PTPRF: variants seen among roughly 807,000 people sequenced by gnomAD.
PTPRF encodes the protein receptor-type tyrosine-protein phosphatase F.
PTPRF carries 59 observed loss-of-function variants against 201.8 expected under a neutral mutation model. That is an observed-to-expected ratio of 0.29 (90% CI 0.24 to 0.36). The LOEUF is 0.36. Among genes scored for constraint, PTPRF ranks in the 10% least tolerant of loss-of-function variants. PTPRF has a pLI of 1.00. For synonymous variants in PTPRF, 1,088 were observed against 1,089.7 expected, an observed-to-expected ratio of 1.00 and a Z score of 0.03; for missense variants, 2,132 against 2,690.5, an observed-to-expected ratio of 0.79 and a Z score of 4.59.
chr1:43,583,496 A>G (rs3791135), intron 7 of PTPRF, among the ~76,000 whole-genome samples: 39,593 of 152,140 alleles, frequency 0.26, 6,100 homozygotes, highest in East Asian at 0.48. Context: ...CTTTGTGTGC[A>G]CCTGTGGGAC....
At chr1:43,524,581 T>C (rs532402100), upstream of PTPRF, among the ~76,000 whole-genome samples, 4 of 151,826 alleles carry the variant, frequency 2.6e-5, no homozygotes, top group African/African-American at 7.2e-5. Context: ...ATGGCTCCAG[T>C]TGAAGGTTGG....
intron 5 of PTPRF, among the ~76,000 whole-genome samples, chr1:43,567,346 C>T (rs969056163): frequency 2.6e-5 from 4 of 152,238 alleles, no homozygotes; most frequent in Admixed American, 2.0e-4. Flanking sequence ...CGTCCTCCTT[C>T]CCTTCTCTTG....
upstream of PTPRF, chr1:43,530,830 G>GGGGCGCGGGCGCGAGCGCGAGGGGA (rs1643370508): frequency 6.6e-6 from 1 of 152,146 alleles, no homozygotes; most frequent in Non-Finnish European, 1.5e-5. The surrounding 1 kb of genome is among the most constrained non-coding windows in gnomAD (Gnocchi z 4.1). Flanking sequence ...GGCAGGGGCA[G>GGGGCGCGGGCGCGAGCGCGAGGGGA]GGGCGCGGGC....
rs762614069 is a variant in PTPRF at position 43,603,800 on chromosome 1, A to G, written c.2648A>G (p.His883Arg). 53 of 1,614,016 alleles carry G rather than the reference A, an allele frequency of 3.3e-5. No individual in the cohort carries two copies. Among genetic ancestry groups the G allele is most frequent in the Non-Finnish European group, 4.2e-5 (49 of 1,180,046 alleles). The change falls in exon 16 of 34, where the codon CAC becomes CGC. Residue 883 changes from histidine to arginine, a missense_variant. His to Arg is a conservative substitution (Grantham distance 29). Coordinates refer to ENST00000359947, the MANE Select transcript of PTPRF (RefSeq NM_002840.5). This position sits in a 1 kb window ranked among gnomAD's most constrained non-coding sequence, Gnocchi z 5.8. ...DDQHFTVTGL[H>R]KGTTYIFRLA... is the part of the protein sequence containing the mutation. ...CAGCACTTCACAGTCACCGGCCTGC[A>G]CAAGGGGACCACCTACATCTTCCGG...
intron 7 of PTPRF, among the ~76,000 whole-genome samples, chr1:43,585,599 A>G (rs951630575): frequency 2.6e-5 from 4 of 152,122 alleles, no homozygotes; most frequent in African/African-American, 7.2e-5. Flanking sequence ...GAGGGAAAAA[A>G]TAAACACAAC....
rs752725277 is a variant in PTPRF at position 43,591,501 on chromosome 1, C to T, written c.1479C>T (p.Ala493=). The T allele has an allele frequency of 1.4e-5, 23 of 1,601,092 alleles. No individual in the cohort carries two copies. Among genetic ancestry groups the T allele is most frequent in the South Asian group, 6.7e-5 (6 of 89,284 alleles). The part of the protein sequence containing the change: ...TYSLRVLAFT[A]VGDGPPSPTI... ...GCCTGCGCGTGCTTGCCTTCACCGC[C>T]GTGGGCGATGGCCCTCCCAGCCCCA... The change falls in exon 9 of 34, where the codon GCC becomes GCT. Residue 493 remains alanine, a synonymous_variant. Coordinates refer to ENST00000359947, the MANE Select transcript of PTPRF (RefSeq NM_002840.5).
chr1:43,603,865 G>A lies in PTPRF; in HGVS notation c.2713G>A (p.Glu905Lys), dbSNP rs143093912. The change falls in exon 16 of 34, where the codon GAG (glutamate) becomes AAG (lysine). Residue 905 changes from glutamate to lysine, a missense_variant. Physicochemically the swap from Glu to Lys is moderately conservative, Grantham distance 56 (BLOSUM62 1). Around this residue, in one of 6 missense-constraint regions of PTPRF, gnomAD observed 818 missense variants for 915.3 expected, o/e 0.89. Coordinates refer to ENST00000359947, the MANE Select transcript of PTPRF (RefSeq NM_002840.5). The surrounding 1 kb of genome is among the most constrained non-coding windows in gnomAD (Gnocchi z 5.8). ...CCGGGCTGGCTTGGGTGAGGAGTTC[G>A]AGAAGGAGATCAGGACCCCCGAGGA... ...KNRAGLGEEF[E>K]KEIRTPEDLP... is the part of the protein sequence containing the mutation. The A allele has an allele frequency of 2.1e-5, 34 of 1,613,946 alleles. No homozygotes were observed. Among genetic ancestry groups the A allele is most frequent in the Admixed American group, 3.3e-5 (2 of 60,000 alleles).
At chr1:43,605,947 G>C (rs75135460) in intron 19 of PTPRF, among the ~76,000 whole-genome samples, 2 of 152,198 alleles carry the variant, frequency 1.3e-5, no homozygotes, top group Non-Finnish European at 2.9e-5. Flanking sequence ...GAGCCTTATA[G>C]CCAGGAGTCC....
intron 7 of PTPRF, among the ~76,000 whole-genome samples, chr1:43,585,959 G>A (rs61769642): frequency 0.3 from 45,378 of 152,056 alleles, 7,435 homozygotes; most frequent in Middle Eastern, 0.38. Context: ...CTGGAGCAGC[G>A]TCCTCTCCTG....
intron 21 of PTPRF, among the ~76,000 whole-genome samples, chr1:43,607,523 C>G (rs1342728871): frequency 1.3e-5 from 2 of 152,238 alleles, no homozygotes; most frequent in Non-Finnish European, 1.5e-5. Flanking sequence ...GCAGTGGCCA[C>G]CACCTGCCCT....
rs745805540 is a variant in PTPRF at position 43,606,462 on chromosome 1, T to C, written c.3702+4T>C. ...CTTGAAGGAACCCATGGACCAGGTC[T>C]GCCTGAGCCGGCTTGGCTGTCAGCA... On this transcript the variant is annotated splice_donor_region_variant and intron_variant, in intron 20 of 33. Transcript: ENST00000359947. The C allele has an allele frequency of 2.5e-6, 4 of 1,608,894 alleles. No individual in the cohort carries two copies. In the Admixed American group the frequency reaches 6.7e-5, roughly 27 times the overall value.
chr1:43,578,042 C>G (rs1359736260), intron 6 of PTPRF, among the ~76,000 whole-genome samples: 1 of 152,244 alleles, frequency 6.6e-6, no homozygotes, highest in Non-Finnish European at 1.5e-5. Flanking sequence ...AAGATTCCTC[C>G]ACCCTTTCTG....
intron 3 of PTPRF, among the ~76,000 whole-genome samples, chr1:43,548,485 ACT>A (rs1332724750): frequency 6.6e-6 from 1 of 151,434 alleles, no homozygotes; most frequent in Non-Finnish European, 1.5e-5. Context: ...GCCTGTCTAG[ACT>A]CTGCTCCCTG....
rs139284587 is a variant in PTPRF at position 43,591,886 on chromosome 1, C to G, written c.1606C>G (p.Pro536Ala). The part of the protein sequence containing the change: ...TRIQLSWLLP[P>A]QERIIMYELV... ...GATCCAGCTCTCGTGGCTGCTGCCC[C>G]CTCAGGAGCGGATCATCATGTATGA... is the stretch of plus-strand genomic sequence containing the variant. The change falls in exon 10 of 34, where the codon CCT becomes GCT. Residue 536 changes from proline to alanine, a missense_variant. This residue lies in a region of PTPRF where 351 missense variants were observed against 401.7 expected (regional missense o/e 0.87). Transcript: ENST00000359947. 6.8e-4 allele frequency: 1,102 copies of G among 1,613,466 alleles called. 4 individuals carry two copies. The highest frequency in any genetic ancestry group is 8.9e-4 in the Non-Finnish European group (1,047 of 1,180,016).
chr1:43,621,009 G>C lies in PTPRF; in HGVS notation c.5519+17G>C, dbSNP rs1659083162. The C allele has an allele frequency of 1.9e-6, 3 of 1,611,222 alleles. No homozygotes were observed. The highest frequency in any genetic ancestry group is 2.5e-6 in the Non-Finnish European group (3 of 1,178,118). ...GCACTGCAGGTGGGACTGGCCCCCT[G>C]GAGGGCTGGGGTGGGTGGGCCTGAA... On this transcript the variant is annotated intron_variant, in intron 32 of 33. Transcript: ENST00000359947.
chr1:43,583,310 G>A (rs1422003299), intron 7 of PTPRF, among the ~76,000 whole-genome samples: 3 of 152,160 alleles, frequency 2.0e-5, no homozygotes, highest in Admixed American at 6.5e-5. Flanking sequence ...GGTGCACCAC[G>A]TGTCTGCATG....
chr1:43,599,923 C>G (rs1237911200), intron 13 of PTPRF, among the ~76,000 whole-genome samples: 1 of 152,184 alleles, frequency 6.6e-6, no homozygotes, highest in African/African-American at 2.4e-5. Context: ...AGGAGCAGGG[C>G]CTCCCCATTG....
intron 3 of PTPRF, among the ~76,000 whole-genome samples, chr1:43,549,706 T>C (rs1183007299): frequency 6.6e-6 from 1 of 151,910 alleles, no homozygotes; most frequent in Admixed American, 6.6e-5. Context: ...ATACAAAAAA[T>C]TAGCCAGGCA....
At chr1:43,527,305 G>A (rs145444583), upstream of PTPRF, among the ~76,000 whole-genome samples, 9 of 152,346 alleles carry the variant, frequency 5.9e-5, no homozygotes, top group East Asian at 9.6e-4. Flanking sequence ...GCAGCCCCAC[G>A]TGGACCCCGT....
Sources: gnomAD v4.1 joint callset for allele counts (sites outside exome capture counted in the v4.1 genomes callset) on GRCh38, gnomAD v4.1.1 for gene constraint, gnomAD v4.1.1 regional missense constraint, Gnocchi (gnomAD v3.1) non-coding constraint, MANE v1.5 for transcripts, NCBI Gene and HGNC (gene_info 2026-07-23, HGNC 2026-07-21) for gene names.